The following RNLS variants were observed in gnomAD, a reference collection of about 807,000 sequenced individuals.
RNLS encodes renalase, FAD dependent amine oxidase, also known as renalase.
Under a neutral mutation model 39.8 loss-of-function variants are expected in RNLS, and 39 were observed. The observed-to-expected ratio is 0.98, with a 90% confidence interval of 0.76 to 1.28. RNLS has a LOEUF of 1.28. Ranked by LOEUF, RNLS falls within the 50% of genes most tolerant of loss-of-function variation. The pLI, the probability that RNLS is intolerant of heterozygous loss-of-function variation, is 0.00. For missense variants in RNLS, 410 were observed against 413.3 expected, an observed-to-expected ratio of 0.99 and a Z score of 0.07; for synonymous variants, 147 against 150.7, an observed-to-expected ratio of 0.98 and a Z score of 0.18.
the RNLS span, among the ~76,000 whole-genome samples, chr10:88,188,499 G>T: frequency 6.6e-5 from 10 of 152,326 alleles, no homozygotes; most frequent in South Asian, 2.1e-3. Context: ...TATACTACAG[G>T]TGATTGTCCA....
chr10:88,377,305 T>C (rs536302831), intron 4 of RNLS, among the ~76,000 whole-genome samples: 1 of 152,218 alleles, frequency 6.6e-6, no homozygotes, highest in Admixed American at 6.5e-5. Flanking sequence ...TAAATGTATT[T>C]ATTTGACTCC....
At chr10:88,468,121 G>C (rs1329076151) in intron 4 of RNLS, among the ~76,000 whole-genome samples, 2 of 152,168 alleles carry the variant, frequency 1.3e-5, no homozygotes, top group Non-Finnish European at 2.9e-5. Flanking sequence ...GAAAGAGCTT[G>C]GTGCATTTCA....
At chr10:88,353,975 T>G (rs1246849164) in intron 5 of RNLS, among the ~76,000 whole-genome samples, 1 of 152,240 alleles carries the variant, frequency 6.6e-6, no homozygotes, top group East Asian at 1.9e-4. Flanking sequence ...TGGTCTTCTT[T>G]GTCTCTTTTG....
chr10:88,447,818 C>G (rs1479800379), intron 4 of RNLS, among the ~76,000 whole-genome samples: 2 of 152,078 alleles, frequency 1.3e-5, no homozygotes, highest in Non-Finnish European at 2.9e-5. Context: ...AGATATAGAC[C>G]AAGGGAACAG....
the RNLS span, among the ~76,000 whole-genome samples, chr10:88,195,391 C>A: frequency 6.6e-6 from 1 of 152,178 alleles, no homozygotes; most frequent in South Asian, 2.1e-4. Flanking sequence ...ATAGACAATA[C>A]TGCTTTTTGT....
chr10:88,210,384 A>G, the RNLS span, among the ~76,000 whole-genome samples: 1 of 152,316 alleles, frequency 6.6e-6, no homozygotes, highest in African/African-American at 2.4e-5. Context: ...AATAATCTTA[A>G]TAGTGTGGAT....
intron 4 of RNLS, among the ~76,000 whole-genome samples, chr10:88,492,351 G>A (rs1844935223): frequency 6.6e-6 from 1 of 151,926 alleles, no homozygotes; most frequent in Non-Finnish European, 1.5e-5. Flanking sequence ...AAAATGGCAT[G>A]CAAGCTGCTA....
intron 4 of RNLS, among the ~76,000 whole-genome samples, chr10:88,403,148 C>G (rs1331316991): frequency 2.0e-5 from 3 of 151,564 alleles, no homozygotes; most frequent in Non-Finnish European, 4.4e-5. Context: ...GTTTCTTCAA[C>G]AAAAGATTAC....
At chr10:88,569,847 A>C (rs2134431177) in intron 4 of RNLS, among the ~76,000 whole-genome samples, 1 of 152,242 alleles carries the variant, frequency 6.6e-6, no homozygotes, top group Admixed American at 6.5e-5. Flanking sequence ...AAAAAAATAA[A>C]AAATAAAAAA....
the RNLS span, among the ~76,000 whole-genome samples, chr10:88,183,039 C>G: frequency 6.6e-6 from 1 of 152,094 alleles, no homozygotes; most frequent in African/African-American, 2.4e-5. Context: ...ATTCATCTTG[C>G]AAAGTATGCA....
intron 4 of RNLS, among the ~76,000 whole-genome samples, chr10:88,535,030 T>C (rs1847663355): frequency 6.6e-6 from 1 of 152,150 alleles, no homozygotes; most frequent in Non-Finnish European, 1.5e-5. Flanking sequence ...AGTTATATTG[T>C]TCATGGGTTT....
At chr10:88,261,434 A>AG in the RNLS span, among the ~76,000 whole-genome samples, 3 of 152,224 alleles carry the variant, frequency 2.0e-5, no homozygotes, top group East Asian at 5.8e-4. Flanking sequence ...ATGGGTCAGC[A>AG]GGGGGTCACT....
chr10:88,172,332 A>G, the RNLS span, among the ~76,000 whole-genome samples: 1 of 152,148 alleles, frequency 6.6e-6, no homozygotes, highest in African/African-American at 2.4e-5. Context: ...CCTTGCAAGC[A>G]TTTGATATTT....
rs574446486 is a variant in RNLS at position 88,531,914 on chromosome 10, T to A, written c.526+40989A>T. Among the ~76,000 whole-genome samples, 4 of 152,158 alleles carry A rather than the reference T, an allele frequency of 2.6e-5. No individual in the cohort carries two copies. The South Asian group carries it at 8.3e-4, about 32-fold the overall frequency. On this transcript the variant is annotated intron_variant, in intron 4 of 6. Transcript: ENST00000331772. ...CTCTTTAGGGCCAGAAACAAAATCATTATCCCTCCAAAAACAAATATTGAG... is the reference window on the plus strand; with the variant it reads ...CTCTTTAGGGCCAGAAACAAAATCAATATCCCTCCAAAAACAAATATTGAG...
chr10:88,448,610 G>C (rs1340788190), intron 4 of RNLS, among the ~76,000 whole-genome samples: 1 of 152,208 alleles, frequency 6.6e-6, no homozygotes, highest in Non-Finnish European at 1.5e-5. Flanking sequence ...TACAGATCTA[G>C]AACTAGAAAT....
intron 4 of RNLS, among the ~76,000 whole-genome samples, chr10:88,510,717 G>A (rs893425928): frequency 3.3e-5 from 5 of 151,542 alleles, no homozygotes; most frequent in East Asian, 3.9e-4. Flanking sequence ...GGTGGTGCGC[G>A]CCTGTAATAC....
intron 6 of RNLS, among the ~76,000 whole-genome samples, chr10:88,288,866 T>C (rs1226468912): frequency 2.6e-5 from 4 of 152,166 alleles, no homozygotes; most frequent in African/African-American, 9.7e-5. Flanking sequence ...GGCAAGCTCC[T>C]TCACCCATGT....
At chr10:88,264,938 A>G in the RNLS span, among the ~76,000 whole-genome samples, 7 of 152,218 alleles carry the variant, frequency 4.6e-5, no homozygotes, top group Admixed American at 1.3e-4. Context: ...GGTTTTTCCA[A>G]TGTTATCTTC....
the RNLS span, among the ~76,000 whole-genome samples, chr10:88,249,406 G>A: frequency 6.6e-6 from 1 of 152,074 alleles, no homozygotes; most frequent in East Asian, 1.9e-4. Context: ...CTGTAATTCT[G>A]ATTACTATTG....
Sources: allele counts gnomAD v4.1 joint callset (sites outside exome capture counted in the v4.1 genomes callset), GRCh38; gene constraint gnomAD v4.1.1; transcripts MANE v1.5; gene names NCBI Gene and HGNC (gene_info 2026-07-23, HGNC 2026-07-21).